KIT: variants seen among roughly 807,000 people sequenced by gnomAD.
The protein encoded by KIT is KIT proto-oncogene, receptor tyrosine kinase.
In KIT, 16 loss-of-function variants were observed where a neutral mutation model predicts 105.7. That is an observed-to-expected ratio of 0.15 (90% CI 0.10 to 0.23). The LOEUF (loss-of-function observed/expected upper bound fraction) is 0.23, where lower values mean the gene tolerates loss of function less well. Ranked by LOEUF, KIT falls within the 10% of genes least tolerant of loss-of-function variation. The pLI is 1.00. For synonymous variants in KIT, 438 were observed against 441.1 expected (o/e 0.99, Z 0.09); for missense variants, 858 against 1,213.8 (o/e 0.71, Z 4.36).
At chr4:54,660,379 T>G (rs1407516470) in intron 1 of KIT, among the ~76,000 whole-genome samples, 1 of 152,164 alleles carries the variant, frequency 6.6e-6, no homozygotes, top group Non-Finnish European at 1.5e-5. Context: ...CCTGCAGGTG[T>G]GAGGCTGGAG....
At chr4:54,676,958 A>G (rs1005917859) in intron 1 of KIT, among the ~76,000 whole-genome samples, 2 of 152,150 alleles carry the variant, frequency 1.3e-5, no homozygotes, top group Non-Finnish European at 2.9e-5. Context: ...AGGGTAGGTC[A>G]GATCAGCCCT....
chr4:54,715,013 G>A (rs541700986), intron 7 of KIT, among the ~76,000 whole-genome samples: 5 of 152,296 alleles, frequency 3.3e-5, no homozygotes, highest in Admixed American at 2.6e-4. Context: ...TTAACAGGGG[G>A]TTGAGAAACA....
chr4:54,735,969 A>G (rs1722901016), intron 17 of KIT, among the ~76,000 whole-genome samples: 1 of 152,148 alleles, frequency 6.6e-6, no homozygotes, highest in Non-Finnish European at 1.5e-5. Context: ...GGGCCCTTGC[A>G]CTAGAGAAGA....
At chr4:54,673,865 G>A in intron 1 of KIT, among the ~76,000 whole-genome samples, 1 of 152,116 alleles carries the variant, frequency 6.6e-6, no homozygotes, top group African/African-American at 2.4e-5. Context: ...TGCCTCCCTA[G>A]TTCAAGTGAT....
intron 1 of KIT, among the ~76,000 whole-genome samples, chr4:54,679,647 T>C (rs1038039981): frequency 6.6e-6 from 1 of 152,162 alleles, no homozygotes; most frequent in Non-Finnish European, 1.5e-5. Flanking sequence ...AAAATTAGCT[T>C]AAGTATCTGA....
At chr4:54,669,161 A>C (rs1340235986) in intron 1 of KIT, among the ~76,000 whole-genome samples, 1 of 152,170 alleles carries the variant, frequency 6.6e-6, no homozygotes, top group Non-Finnish European at 1.5e-5. Context: ...GCTGGGAAAT[A>C]GTATATACGT....
At chr4:54,694,014 A>G (rs768614415) in intron 1 of KIT, among the ~76,000 whole-genome samples, 1 of 152,134 alleles carries the variant, frequency 6.6e-6, no homozygotes, top group African/African-American at 2.4e-5. Flanking sequence ...GGATCTCACT[A>G]TGCATGTCAC....
At chr4:54,685,889 C>T (rs1362355285) in intron 1 of KIT, among the ~76,000 whole-genome samples, 2 of 152,204 alleles carry the variant, frequency 1.3e-5, no homozygotes, top group African/African-American at 2.4e-5. Context: ...TCCACTTGCC[C>T]ACTGCCTTAG....
At position 54,738,940 on chromosome 4, in the gene KIT, T is replaced by C. The variant is rs1723087650; in HGVS notation, c.*383T>C. 7 of 564,878 alleles carry C rather than the reference T, an allele frequency of 1.2e-5. 1 individual carries two copies. The Admixed American group carries it at 1.3e-4, about 11-fold the overall frequency. The allele number at this position is 564,878 out of a possible 1,614,324, so 35.0% of individuals were successfully genotyped here. Reference sequence around the variant, plus strand: ...CACAGTTGGCCTTCAGAACCATCCATAGTAGTATGATGATACAAGATTAGA... The same window carrying C: ...CACAGTTGGCCTTCAGAACCATCCACAGTAGTATGATGATACAAGATTAGA... On this transcript the variant is annotated 3_prime_UTR_variant, in exon 21 of 21. Transcript: ENST00000288135.
At chr4:54,681,608 AC>A (rs966146447) in intron 1 of KIT, among the ~76,000 whole-genome samples, 2 of 152,166 alleles carry the variant, frequency 1.3e-5, no homozygotes, top group African/African-American at 4.8e-5. Flanking sequence ...AAGTCTGACC[AC>A]ATAATTAGCT....
At chr4:54,666,691 G>T (rs1470428844) in intron 1 of KIT, among the ~76,000 whole-genome samples, 1 of 152,150 alleles carries the variant, frequency 6.6e-6, no homozygotes, top group Non-Finnish European at 1.5e-5. Flanking sequence ...ATTTTGAAAT[G>T]GTTCTTAGGT....
intron 1 of KIT, 80 bp downstream of exon 1, chr4:54,658,161 G>C (rs1021374048): frequency 7.1e-7 from 1 of 1,411,728 alleles, no homozygotes; most frequent in Admixed American, 1.7e-5. Flanking sequence ...CCGCCAGGGT[G>C]CATCCGGAGA....
intron 17 of KIT, among the ~76,000 whole-genome samples, chr4:54,734,247 G>A (rs983346230): frequency 1.2e-4 from 18 of 152,260 alleles, no homozygotes; most frequent in African/African-American, 4.1e-4. Context: ...GAAGGTGGCC[G>A]CCTCCAGGCC....
At chr4:54,705,105 C>T (rs1720707839) in intron 5 of KIT, among the ~76,000 whole-genome samples, 1 of 152,330 alleles carries the variant, frequency 6.6e-6, no homozygotes, top group South Asian at 2.1e-4. Flanking sequence ...TCCATAAGCA[C>T]TAATTTGCTA....
chr4:54,664,872 G>A (rs984259649), intron 1 of KIT, among the ~76,000 whole-genome samples: 8 of 147,628 alleles, frequency 5.4e-5, no homozygotes, highest in Admixed American at 1.4e-4. Flanking sequence ...ACAGATGTAA[G>A]CCACCACACC....
At position 54,709,486 on chromosome 4, in the gene KIT, T is replaced by A; in HGVS notation, c.1178T>A (p.Leu393Gln). 1 of 1,613,860 alleles carries A rather than the reference T, an allele frequency of 6.2e-7. No individual in the cohort carries two copies. The highest frequency in any genetic ancestry group is 8.5e-7 in the Non-Finnish European group (1 of 1,179,730). Residue 393 changes from leucine (L) to glutamine (Q), a missense_variant, in exon 7 of 21, where the codon CTA becomes CAA. By Grantham distance (113) the Leu-to-Gln change is moderately radical (BLOSUM62 -2). Transcript: ENST00000288135. ...ACCGAAGGAGGCACTTACACATTCC[T>A]AGTGTCCAATTCTGACGTCAATGCT... The part of the protein sequence containing the change: ...KGTEGGTYTF[L>Q]VSNSDVNAAI...
Position 54,726,033 on chromosome 4 carries a change from T to G in KIT, c.1523T>G (p.Phe508Cys), listed in dbSNP as rs2109769785. The G allele has an allele frequency of 6.2e-7, 1 of 1,613,910 alleles. No individual in the cohort carries two copies. Among genetic ancestry groups the G allele is most frequent in the Non-Finnish European group, 8.5e-7 (1 of 1,179,784 alleles). The change falls in exon 9 of 21, where the codon TTT (phenylalanine) becomes TGT (cysteine). Residue 508 changes from phenylalanine (F) to cysteine (C), a missense_variant. By Grantham distance (205) the Phe-to-Cys change is radical. Transcript: ENST00000288135. ...ACTTCTGCCTATTTTAACTTTGCAT[T>G]TAAAGGTAACAACAAAGGTATATTT... ...GKTSAYFNFA[F>C]KGNNKEQIHP...
rs1032077522 is a variant in KIT at position 54,740,085 on chromosome 4, G to A, written c.*1528G>A. Reference sequence around the variant, plus strand: ...ACTGCCCAATATAAAAGGCAAATGTGTACATGGCAGAGTTTGTGTGTTGTC... The same window carrying A: ...ACTGCCCAATATAAAAGGCAAATGTATACATGGCAGAGTTTGTGTGTTGTC... On this transcript the variant is annotated 3_prime_UTR_variant, in exon 21 of 21. Transcript: ENST00000288135. 1 of 233,554 alleles carries A rather than the reference G, an allele frequency of 4.3e-6. No homozygotes were observed. Among genetic ancestry groups the A allele is most frequent in the African/African-American group, 2.2e-5 (1 of 45,364 alleles). 14.5% of individuals were successfully genotyped at this position (233,554 alleles called of 1,614,324 possible).
At chr4:54,724,183 C>G (rs1372771766) in intron 8 of KIT, among the ~76,000 whole-genome samples, 2 of 152,180 alleles carry the variant, frequency 1.3e-5, no homozygotes, top group Admixed American at 6.5e-5. Flanking sequence ...TGCCCAGCCC[C>G]TGAACAGAGA....
Sources: gnomAD v4.1 joint callset for allele counts (sites outside exome capture counted in the v4.1 genomes callset) on GRCh38, gnomAD v4.1.1 for gene constraint, MANE v1.5 for transcripts, NCBI Gene and HGNC (gene_info 2026-07-23, HGNC 2026-07-21) for gene names.